Variants in ERG observed in about 807,000 individuals in gnomAD.
The protein encoded by ERG is ETS transcription factor ERG.
Under a neutral mutation model 55.3 loss-of-function variants are expected in ERG, and 9 were observed. That is an observed-to-expected ratio of 0.16 (90% CI 0.10 to 0.28). The LOEUF is 0.28. Ranked by LOEUF, ERG falls within the 10% of genes least tolerant of loss-of-function variation. The probability of loss-of-function intolerance (pLI) is 1.00; values close to 1 mark genes in which losing one functional copy is unlikely to be tolerated. For synonymous variants in ERG, 223 were observed against 237.3 expected (o/e 0.94, Z 0.55); for missense variants, 434 against 631.6 (o/e 0.69, Z 3.35).
intron 2 of ERG, among the ~76,000 whole-genome samples, chr21:38,428,606 T>G (rs1008076171): frequency 1.2e-4 from 19 of 152,186 alleles, no homozygotes; most frequent in Admixed American, 1.2e-3. Flanking sequence ...CAGAGTAGTG[T>G]ATGGGTCAGG....
chr21:38,583,887 G>A (rs1046573293), intron 1 of ERG, among the ~76,000 whole-genome samples: 2 of 152,220 alleles, frequency 1.3e-5, no homozygotes, highest in South Asian at 4.1e-4. Context: ...CCAGCCTCCG[G>A]AACGGTGAGA....
intron 1 of ERG, among the ~76,000 whole-genome samples, chr21:38,577,884 C>A (rs1183436684): frequency 6.6e-6 from 1 of 152,226 alleles, no homozygotes; most frequent in Non-Finnish European, 1.5e-5. Context: ...GGGACTGAAG[C>A]TCGTCCCCCT....
intron 1 of ERG, among the ~76,000 whole-genome samples, chr21:38,642,346 T>G (rs1469416649): frequency 1.3e-5 from 2 of 152,280 alleles, no homozygotes; most frequent in African/African-American, 4.8e-5. Context: ...TTCATCTGTA[T>G]GCTCACGGTA....
chr21:38,606,690 G>C (rs540675838), intron 1 of ERG, among the ~76,000 whole-genome samples: 2 of 152,208 alleles, frequency 1.3e-5, no homozygotes, highest in South Asian at 4.2e-4. Context: ...AGACAGAGCT[G>C]AAATAACTGA....
intron 2 of ERG, among the ~76,000 whole-genome samples, chr21:38,553,825 C>T (rs1386986930): frequency 1.3e-5 from 2 of 151,958 alleles, no homozygotes; most frequent in East Asian, 1.9e-4. Context: ...CAGAAATTGA[C>T]AAATGGGACC....
intron 1 of ERG, among the ~76,000 whole-genome samples, chr21:38,639,799 T>G (rs1353939718): frequency 6.6e-6 from 1 of 152,072 alleles, no homozygotes; most frequent in Non-Finnish European, 1.5e-5. Flanking sequence ...TTAAAGGGAA[T>G]CAAAGGCCCA....
At chr21:38,558,271 C>A (rs2059870429) in intron 2 of ERG, among the ~76,000 whole-genome samples, 1 of 152,116 alleles carries the variant, frequency 6.6e-6, no homozygotes. Context: ...CACCTTCTGT[C>A]CAAACTGAGA....
chr21:38,544,245 T>C (rs1182888090), intron 2 of ERG, among the ~76,000 whole-genome samples: 2 of 152,142 alleles, frequency 1.3e-5, no homozygotes, highest in Non-Finnish European at 2.9e-5. Flanking sequence ...CATTAGGAGA[T>C]GAGGCTGAAG....
intron 2 of ERG, among the ~76,000 whole-genome samples, 190 bp downstream of exon 2, chr21:38,445,214 T>C (rs575910394): frequency 1.3e-5 from 2 of 150,278 alleles, no homozygotes; most frequent in Admixed American, 1.3e-4. Flanking sequence ...TGATCCCGGC[T>C]CACTGCAACC....
chr21:38,646,044 CAAG>C (rs2146977767), intron 1 of ERG, among the ~76,000 whole-genome samples: 1 of 152,140 alleles, frequency 6.6e-6, no homozygotes, highest in Non-Finnish European at 1.5e-5. Flanking sequence ...TCTGAGAGGC[CAAG>C]GAGGGCGGAT....
At chr21:38,576,896 C>T (rs1046629845) in intron 1 of ERG, among the ~76,000 whole-genome samples, 2 of 152,178 alleles carry the variant, frequency 1.3e-5, no homozygotes, top group African/African-American at 4.8e-5. Flanking sequence ...CCCCTCCTTC[C>T]AGGCTCCAGC....
At chr21:38,393,021 CT>C (rs1317418359) in intron 6 of ERG, among the ~76,000 whole-genome samples, 1 of 152,126 alleles carries the variant, frequency 6.6e-6, no homozygotes, top group Non-Finnish European at 1.5e-5. Context: ...CTTATCTGAT[CT>C]AGTGATTTTC....
At chr21:38,388,883 T>C (rs562988214) in intron 9 of ERG, among the ~76,000 whole-genome samples, 1 of 152,338 alleles carries the variant, frequency 6.6e-6, no homozygotes, top group African/African-American at 2.4e-5. Flanking sequence ...TTGTGAAAGC[T>C]GGCACTTTGC....
chr21:38,528,785 T>A (rs2059650947), intron 2 of ERG, among the ~76,000 whole-genome samples: 1 of 152,132 alleles, frequency 6.6e-6, no homozygotes, highest in African/African-American at 2.4e-5. Flanking sequence ...TTTATTAAAA[T>A]TTGGTATAAT....
intron 1 of ERG, among the ~76,000 whole-genome samples, chr21:38,608,534 C>A (rs1002508201): frequency 3.3e-5 from 5 of 152,140 alleles, no homozygotes; most frequent in African/African-American, 1.2e-4. Context: ...TTGTCGCTCT[C>A]ACCTAAACAG....
chr21:38,425,249 G>A (rs1181150188), intron 2 of ERG, among the ~76,000 whole-genome samples: 1 of 152,070 alleles, frequency 6.6e-6, no homozygotes, highest in Non-Finnish European at 1.5e-5. Context: ...TGGGCAAGTG[G>A]TGGTGCATGC....
intron 1 of ERG, among the ~76,000 whole-genome samples, chr21:38,658,219 C>G (rs1055220788): frequency 6.6e-6 from 1 of 152,232 alleles, no homozygotes; most frequent in Non-Finnish European, 1.5e-5. Context: ...GACCTGCATT[C>G]AGAGAGATCA....
chr21:38,372,093 T>G, the ERG span, among the ~76,000 whole-genome samples: 1 of 152,054 alleles, frequency 6.6e-6, no homozygotes. Flanking sequence ...CTACACAAAT[T>G]TATTCATTTA....
chr21:38,409,356 G>T (rs973871580), intron 3 of ERG, among the ~76,000 whole-genome samples: 1 of 152,110 alleles, frequency 6.6e-6, no homozygotes, highest in South Asian at 2.1e-4. Flanking sequence ...GGTGGCGCAT[G>T]CCTGTAATGC....
Sources: allele counts gnomAD v4.1 joint callset (sites outside exome capture counted in the v4.1 genomes callset), GRCh38; gene constraint gnomAD v4.1.1; transcripts MANE v1.5; gene names NCBI Gene and HGNC (gene_info 2026-07-23, HGNC 2026-07-21).